Variants in NTNG1 observed in about 807,000 individuals in gnomAD.
NTNG1 encodes the protein netrin G1.
NTNG1 carries 16 observed loss-of-function variants against 54.0 expected under a neutral mutation model. The ratio of observed to expected loss-of-function variants is 0.30; its 90% confidence interval spans 0.20 to 0.45. The LOEUF is 0.45. Ranked by LOEUF, NTNG1 falls within the 20% of genes least tolerant of loss-of-function variation. The pLI is 1.00. For synonymous variants in NTNG1, 255 were observed against 263.1 expected, an observed-to-expected ratio of 0.97 and a Z score of 0.30; for missense variants, 530 against 678.7, an observed-to-expected ratio of 0.78 and a Z score of 2.43.
intron 2 of NTNG1, among the ~76,000 whole-genome samples, chr1:107,162,261 T>C (rs1655460965): frequency 6.6e-6 from 1 of 152,168 alleles, no homozygotes; most frequent in African/African-American, 2.4e-5. Context: ...AACATTTTCG[T>C]CAAATGGGGA....
At chr1:107,282,010 T>C (rs554907094) in intron 2 of NTNG1, among the ~76,000 whole-genome samples, 1 of 152,258 alleles carries the variant, frequency 6.6e-6, no homozygotes, top group South Asian at 2.1e-4. Context: ...GAGAAGGCAT[T>C]GAATAAAGTG....
intron 2 of NTNG1, among the ~76,000 whole-genome samples, chr1:107,169,717 C>T (rs941658450): frequency 2.0e-5 from 3 of 152,178 alleles, no homozygotes; most frequent in South Asian, 2.1e-4. Context: ...ACCCCCAGGA[C>T]GCCTTGCACT....
At chr1:107,415,301 T>C (rs1164947559) in intron 5 of NTNG1, among the ~76,000 whole-genome samples, 2 of 152,280 alleles carry the variant, frequency 1.3e-5, no homozygotes, top group East Asian at 3.9e-4. Context: ...AGTCAAGGCA[T>C]GTAGGGATAA....
chr1:107,186,918 C>T (rs957385301), intron 2 of NTNG1, among the ~76,000 whole-genome samples: 3 of 152,062 alleles, frequency 2.0e-5, no homozygotes, highest in Non-Finnish European at 4.4e-5. Flanking sequence ...TTATTATTAT[C>T]CTTATTTTAC....
intron 3 of NTNG1, among the ~76,000 whole-genome samples, chr1:107,374,636 A>G (rs913693530): frequency 3.9e-5 from 6 of 152,236 alleles, no homozygotes; most frequent in Admixed American, 3.9e-4. Flanking sequence ...ATACAATTAT[A>G]ATAATTGTAT....
At chr1:107,279,244 C>G (rs980106405) in intron 2 of NTNG1, among the ~76,000 whole-genome samples, 2 of 152,082 alleles carry the variant, frequency 1.3e-5, no homozygotes, top group Non-Finnish European at 2.9e-5. Flanking sequence ...ATATTAATCT[C>G]TATACTTTTT....
intron 2 of NTNG1, among the ~76,000 whole-genome samples, chr1:107,297,249 G>GCA (rs1176252900): frequency 2.2e-3 from 41 of 18,674 alleles, no homozygotes; most frequent in African/African-American, 5.9e-3. Flanking sequence ...ATATATATGC[G>GCA]CACACACACA....
Position 107,242,002 on chromosome 1 carries a change from G to A in NTNG1, c.247-82280G>A, listed in dbSNP as rs182806866. 3.2e-4 allele frequency among the ~76,000 whole-genome samples: 49 copies of A among 152,298 alleles called. 1 individual carries two copies. In the Middle Eastern group the frequency reaches 0.014, roughly 42 times the overall value. The stretch of plus-strand genomic sequence containing the variant: ...ATGTTTGATCTTTAGGCCGGGCATG[G>A]TGGCTCATACCTGTAATCCCAGCAC... On this transcript the variant is annotated intron_variant, in intron 2 of 7. Transcript: ENST00000370068.
At chr1:107,397,881 T>C (rs946255315) in intron 4 of NTNG1, among the ~76,000 whole-genome samples, 3 of 152,190 alleles carry the variant, frequency 2.0e-5, no homozygotes, top group Non-Finnish European at 2.9e-5. Context: ...GTCCTCTAAT[T>C]CATTAGTGTA....
At chr1:107,160,287 T>C (rs1655310965) in intron 2 of NTNG1, among the ~76,000 whole-genome samples, 1 of 152,164 alleles carries the variant, frequency 6.6e-6, no homozygotes, top group Admixed American at 6.6e-5. Context: ...ATGAAAAATC[T>C]AAGAATCCTC....
chr1:107,142,688 A>AC, intron 1 of NTNG1, among the ~76,000 whole-genome samples: 1 of 151,536 alleles, frequency 6.6e-6, no homozygotes. Flanking sequence ...AAAAAAAAAA[A>AC]CCCAGGAAGA....
chr1:107,367,635 C>A (rs1452582122), intron 3 of NTNG1, among the ~76,000 whole-genome samples: 1 of 152,142 alleles, frequency 6.6e-6, no homozygotes, highest in African/African-American at 2.4e-5. Context: ...TAAATAAATA[C>A]ATGGCAAATA....
intron 3 of NTNG1, among the ~76,000 whole-genome samples, chr1:107,382,777 C>T (rs1671725769): frequency 6.6e-6 from 1 of 152,004 alleles, no homozygotes; most frequent in Admixed American, 6.6e-5. Flanking sequence ...CTCTCTCTCT[C>T]TCTCTCTTTA....
chr1:107,201,534 T>G (rs1341856364), intron 2 of NTNG1, among the ~76,000 whole-genome samples: 1 of 151,862 alleles, frequency 6.6e-6, no homozygotes, highest in African/African-American at 2.4e-5. Context: ...CCAAAGATGT[T>G]ATCTCTTGTG....
At position 107,152,340 on chromosome 1, in the gene NTNG1, A is replaced by G. The variant is rs911560078; in HGVS notation, c.246+3501A>G. Among the ~76,000 whole-genome samples, 3 of 152,170 alleles carry G rather than the reference A, an allele frequency of 2.0e-5. No individual in the cohort carries two copies. In the East Asian group the frequency reaches 5.8e-4, roughly 29 times the overall value. On this transcript the variant is annotated intron_variant, in intron 2 of 7. Coordinates refer to ENST00000370068, the MANE Select transcript of NTNG1 (RefSeq NM_001113226.3). ...AGGAAACACAGATCATCTAGTGACT[A>G]CAATTTGTTTCAATTTGCATAAAGA...
chr1:107,265,464 C>G (rs1663673496), intron 2 of NTNG1, among the ~76,000 whole-genome samples: 2 of 152,088 alleles, frequency 1.3e-5, no homozygotes, highest in Non-Finnish European at 1.5e-5. Flanking sequence ...TAATAGTCAA[C>G]TAACTATGAT....
In NTNG1 at chr1:107,191,302, A is replaced by T. The variant is rs896800680; in HGVS notation, c.246+42463A>T. Among the ~76,000 whole-genome samples the T allele has an allele frequency of 2.6e-4, 40 of 152,004 alleles. No individual in the cohort carries two copies. In the East Asian group the frequency reaches 6.2e-3, roughly 24 times the overall value. ...TGTTTTTTTCTTGTAAATTTGTTTG[A>T]GTTCATTGTAGATTCTGGATATTAG... On this transcript the variant is annotated intron_variant, in intron 2 of 7. Coordinates refer to ENST00000370068, the MANE Select transcript of NTNG1 (RefSeq NM_001113226.3).
chr1:107,165,619 A>C (rs1299238403), intron 2 of NTNG1, among the ~76,000 whole-genome samples: 1 of 152,130 alleles, frequency 6.6e-6, no homozygotes, highest in Non-Finnish European at 1.5e-5. Flanking sequence ...ATCCCTGGCA[A>C]TTAAGTATAG....
At chr1:107,272,367 C>CT (rs1410178824) in intron 2 of NTNG1, among the ~76,000 whole-genome samples, 6 of 152,182 alleles carry the variant, frequency 3.9e-5, no homozygotes, top group African/African-American at 1.2e-4. Context: ...AGTTTATAAA[C>CT]TAATGATTCT....
Sources: allele counts gnomAD v4.1 joint callset (sites outside exome capture counted in the v4.1 genomes callset), GRCh38; gene constraint gnomAD v4.1.1; transcripts MANE v1.5; gene names NCBI Gene and HGNC (gene_info 2026-07-23, HGNC 2026-07-21).